The following TASP1 variants were observed in gnomAD, a reference collection of about 807,000 sequenced individuals.
The protein encoded by TASP1 is taspase 1.
Under a neutral mutation model 56.6 loss-of-function variants are expected in TASP1, and 16 were observed. That is an observed-to-expected ratio of 0.28 (90% CI 0.19 to 0.43). The LOEUF is 0.43. TASP1 is among the 20% of genes least tolerant of loss of function. The pLI is 1.00. For missense variants in TASP1, 393 were observed against 511.6 expected (o/e 0.77, Z 2.24); for synonymous variants, 179 against 184.2 (o/e 0.97, Z 0.23).
chr20:13,475,605 C>T (rs1475112663), intron 11 of TASP1, among the ~76,000 whole-genome samples: 1 of 152,004 alleles, frequency 6.6e-6, no homozygotes, highest in South Asian at 2.1e-4. Flanking sequence ...TATCTAAAGT[C>T]TTTGGTAGGC....
the TASP1 span, among the ~76,000 whole-genome samples, chr20:13,104,984 G>T: frequency 2.6e-5 from 4 of 151,990 alleles, no homozygotes; most frequent in Non-Finnish European, 4.4e-5. Flanking sequence ...GCAAGTGTAA[G>T]TGCCTTAATA....
At chr20:13,112,786 T>C in the TASP1 span, among the ~76,000 whole-genome samples, 2 of 152,178 alleles carry the variant, frequency 1.3e-5, no homozygotes, top group Non-Finnish European at 2.9e-5. Flanking sequence ...GGCTTCAATT[T>C]CCTCATCTGT....
At chr20:13,255,749 A>C in the TASP1 span, among the ~76,000 whole-genome samples, 1 of 152,174 alleles carries the variant, frequency 6.6e-6, no homozygotes, top group Non-Finnish European at 1.5e-5. Flanking sequence ...TTGCCCCCTC[A>C]TCAGACATCT....
At chr20:13,239,792 G>A in the TASP1 span, 5 of 152,184 alleles carry the variant, frequency 3.3e-5, no homozygotes, top group Non-Finnish European at 7.4e-5. Flanking sequence ...TCTAAAACCT[G>A]GAGAAATTAA....
At chr20:13,350,250 G>C in the TASP1 span, among the ~76,000 whole-genome samples, 1 of 151,964 alleles carries the variant, frequency 6.6e-6, no homozygotes, top group African/African-American at 2.4e-5. Flanking sequence ...CTAAATAAAC[G>C]GAGAGACATA....
At chr20:13,516,748 A>C (rs1242330230) in intron 10 of TASP1, among the ~76,000 whole-genome samples, 1 of 151,748 alleles carries the variant, frequency 6.6e-6, no homozygotes, top group Non-Finnish European at 1.5e-5. Flanking sequence ...AAAGCAATGC[A>C]AAGTAAGTAT....
intron 4 of TASP1, among the ~76,000 whole-genome samples, chr20:13,590,913 A>T (rs1180444334): frequency 6.6e-6 from 1 of 152,058 alleles, no homozygotes; most frequent in Admixed American, 6.6e-5. Context: ...GATGAAGTAG[A>T]CAATAATTTA....
chr20:13,580,836 A>G, intron 6 of TASP1, 61 bp downstream of exon 6: 2 of 1,541,330 alleles, frequency 1.3e-6, no homozygotes, highest in Non-Finnish European at 1.8e-6. Flanking sequence ...CAACAGCATC[A>G]GCCTTCTGTG....
At chr20:13,183,597 T>G in the TASP1 span, among the ~76,000 whole-genome samples, 1 of 152,172 alleles carries the variant, frequency 6.6e-6, no homozygotes. Flanking sequence ...GAGTAAAATA[T>G]TCTTAGATAG....
chr20:13,438,586 T>G (rs1185387111), intron 11 of TASP1, among the ~76,000 whole-genome samples: 1 of 152,212 alleles, frequency 6.6e-6, no homozygotes, highest in Admixed American at 6.5e-5. Flanking sequence ...ATTCAGGACA[T>G]AGCCATGGGC....
intron 11 of TASP1, among the ~76,000 whole-genome samples, chr20:13,451,353 G>T (rs944417443): frequency 1.3e-5 from 2 of 152,072 alleles, no homozygotes; most frequent in Non-Finnish European, 2.9e-5. Context: ...ACTTCTCCTG[G>T]CCAGCTATGA....
chr20:13,415,078 TA>T (rs763370637), intron 13 of TASP1, among the ~76,000 whole-genome samples: 4 of 152,308 alleles, frequency 2.6e-5, no homozygotes, highest in East Asian at 3.9e-4. Flanking sequence ...TTTTAACTTT[TA>T]AAAATAGTTT....
chr20:13,385,939 CT>C (rs574624487), downstream of TASP1, among the ~76,000 whole-genome samples: 14 of 152,302 alleles, frequency 9.2e-5, no homozygotes, highest in Middle Eastern at 3.4e-3. Context: ...TGGAAAAAGC[CT>C]GTCAAAGTTG....
At chr20:13,629,503 G>C (rs112256343) in intron 2 of TASP1, among the ~76,000 whole-genome samples, 1 of 151,630 alleles carries the variant, frequency 6.6e-6, no homozygotes. Context: ...ATGGTGTCTC[G>C]GTTTGTTGCC....
chr20:13,399,107 T>G (rs1325447724), intron 13 of TASP1, among the ~76,000 whole-genome samples: 1 of 152,124 alleles, frequency 6.6e-6, no homozygotes, highest in African/African-American at 2.4e-5. Flanking sequence ...TGAAACACCC[T>G]TTTCCCTTGT....
At chr20:13,577,618 A>T (rs1343473057) in intron 6 of TASP1, among the ~76,000 whole-genome samples, 1 of 151,886 alleles carries the variant, frequency 6.6e-6, no homozygotes, top group East Asian at 1.9e-4. Context: ...CTCTCTCAAC[A>T]ACCCCTTCCC....
the TASP1 span, among the ~76,000 whole-genome samples, chr20:13,313,637 A>G: frequency 3.1e-4 from 47 of 152,214 alleles, no homozygotes; most frequent in Admixed American, 3.1e-3. Flanking sequence ...TAATTTGTCT[A>G]CATTTCTTCT....
At chr20:13,634,849 A>G (rs1406160995) in intron 1 of TASP1, among the ~76,000 whole-genome samples, 1 of 151,394 alleles carries the variant, frequency 6.6e-6, no homozygotes, top group East Asian at 1.9e-4. Flanking sequence ...ACCAACAAGG[A>G]GAAACCCCGT....
the TASP1 span, among the ~76,000 whole-genome samples, chr20:13,323,139 G>A: frequency 1.3e-5 from 2 of 152,154 alleles, no homozygotes; most frequent in East Asian, 1.9e-4. Context: ...ATGGAATAGG[G>A]AGGGCAAGAG....
Sources: gnomAD v4.1 joint callset for allele counts (sites outside exome capture counted in the v4.1 genomes callset) on GRCh38, gnomAD v4.1.1 for gene constraint, MANE v1.5 for transcripts, NCBI Gene and HGNC (gene_info 2026-07-23, HGNC 2026-07-21) for gene names.